The following LRRC9 variants were observed in gnomAD, a reference collection of about 807,000 sequenced individuals.
LRRC9 encodes leucine rich repeat containing 9.
A neutral mutation model predicts 63.2 loss-of-function variants in LRRC9; 122 were observed. The ratio of observed to expected loss-of-function variants is 1.93; its 90% CI spans 1.67 to 2.24. LRRC9 has a LOEUF of 2.24. Ranked by LOEUF, LRRC9 falls within the 30% of genes most tolerant of loss-of-function variation. The probability of loss-of-function intolerance (pLI) is 0.00; values close to 1 mark genes in which losing one functional copy is unlikely to be tolerated. For missense variants in LRRC9, 1,071 were observed against 627.7 expected (o/e 1.71, Z -7.55); for synonymous variants, 366 against 213.1 (o/e 1.72, Z -6.25).
intron 12 of LRRC9, among the ~76,000 whole-genome samples, chr14:59,971,346 TTTGAAG>T (rs1885477118): frequency 6.6e-6 from 1 of 152,126 alleles, no homozygotes; most frequent in East Asian, 1.9e-4. Flanking sequence ...TGTAGTGTAG[TTTGAAG>T]TTGGATAGTT....
chr14:59,952,565 T>C (rs1883279931), intron 8 of LRRC9, among the ~76,000 whole-genome samples: 1 of 152,152 alleles, frequency 6.6e-6, no homozygotes, highest in Admixed American at 6.5e-5. Context: ...TATAGAGGAG[T>C]ACAGATAACT....
At chr14:59,939,120 T>C (rs1881479095) in intron 7 of LRRC9, among the ~76,000 whole-genome samples, 1 of 149,292 alleles carries the variant, frequency 6.7e-6, no homozygotes, top group Non-Finnish European at 1.5e-5. Flanking sequence ...TATATACATA[T>C]ATATAAATTA....
intron 30 of LRRC9, among the ~76,000 whole-genome samples, chr14:60,055,496 C>G (rs1894202474): frequency 6.6e-6 from 1 of 152,094 alleles, no homozygotes; most frequent in African/African-American, 2.4e-5. Flanking sequence ...CATATTGCTG[C>G]TATAACAAAT....
At chr14:60,001,998 G>A (rs1566865419) in exon 20 of LRRC9, 2 of 698,914 alleles carry the variant, frequency 2.9e-6, no homozygotes, top group South Asian at 1.5e-5. Context: ...GTACTAAAGA[G>A]GAGAGACCAC....
At chr14:60,037,696 T>A (rs979193805) in intron 29 of LRRC9, among the ~76,000 whole-genome samples, 11 of 152,306 alleles carry the variant, frequency 7.2e-5, no homozygotes, top group African/African-American at 2.6e-4. Context: ...ATTGTAAAAA[T>A]TTCCTCCCAT....
chr14:60,007,743 T>C (rs1287049548), intron 22 of LRRC9, among the ~76,000 whole-genome samples: 1 of 152,036 alleles, frequency 6.6e-6, no homozygotes, highest in East Asian at 1.9e-4. Flanking sequence ...CTGCACAAAA[T>C]ATACCTAAGT....
chr14:59,980,541 A>AAT (rs1325449828), intron 15 of LRRC9, among the ~76,000 whole-genome samples: 1 of 152,198 alleles, frequency 6.6e-6, no homozygotes, highest in Non-Finnish European at 1.5e-5. Flanking sequence ...ATCCTATTAA[A>AAT]ATATGATTGA....
At chr14:59,951,136 A>G (rs1460010398) in intron 8 of LRRC9, among the ~76,000 whole-genome samples, 1 of 56,488 alleles carries the variant, frequency 1.8e-5, no homozygotes, top group African/African-American at 9.7e-5. Flanking sequence ...CAGGTACACC[A>G]ATCAGACGTA....
At chr14:59,931,005 T>C in exon 4 of LRRC9, 1 of 442,574 alleles carries the variant, frequency 2.3e-6, no homozygotes, top group Non-Finnish European at 4.1e-6. Flanking sequence ...TTTAGAGAAA[T>C]TAATCAAATT....
chr14:60,050,034 T>A (rs1219457101), intron 29 of LRRC9, among the ~76,000 whole-genome samples: 1 of 152,128 alleles, frequency 6.6e-6, no homozygotes, highest in Non-Finnish European at 1.5e-5. Context: ...TCTCACTCTG[T>A]CACCTAGGCT....
Position 59,938,371 on chromosome 14 carries a change from A to G in LRRC9, c.544-19A>G, listed in dbSNP as rs765107665. Reference sequence around the variant, plus strand: ...TGACAGTCACAATTAACTGAACATTATCTTTGCTGGCATTTTAGGAACTCA... The same window carrying G: ...TGACAGTCACAATTAACTGAACATTGTCTTTGCTGGCATTTTAGGAACTCA... On this transcript the variant is annotated intron_variant, in intron 6 of 31. Coordinates refer to ENST00000445360, the Ensembl canonical transcript of LRRC9. The surrounding 1 kb of genome is among the most constrained non-coding windows in gnomAD (Gnocchi z 4.2). 61 of 670,752 alleles carry G rather than the reference A, an allele frequency of 9.1e-5. No individual in the cohort carries two copies. The highest frequency in any genetic ancestry group is 1.5e-4 in the Non-Finnish European group (57 of 370,462). 41.6% of individuals were successfully genotyped at this position (670,752 alleles called of 1,614,324 possible).
Position 59,942,766 on chromosome 14 carries a change from ATCTC to A in LRRC9, c.727-1813_727-1810del, listed in dbSNP as rs200043634. 1.3e-5 allele frequency among the ~76,000 whole-genome samples: 2 copies of A among 150,714 alleles called. No homozygotes were observed. Among genetic ancestry groups the A allele is most frequent in the African/African-American group, 2.4e-5 (1 of 40,920 alleles). ...CCCTTTGCTCTGCATCCTCGCCAGC[ATCTC>A]TCTCTCTCTTTTTTTTTTCTGTCTT... On this transcript the variant is annotated intron_variant, in intron 7 of 31. Coordinates refer to ENST00000445360, the Ensembl canonical transcript of LRRC9. This position sits in a 1 kb window ranked among gnomAD's most constrained non-coding sequence, Gnocchi z 5.3.
chr14:59,999,314 T>C (rs941567777), intron 19 of LRRC9, 88 bp downstream of exon 19: 1 of 582,220 alleles, frequency 1.7e-6, no homozygotes, highest in South Asian at 2.3e-5. Flanking sequence ...TAAGATTTTA[T>C]AGTCCCTCTT....
rs1052855352 is a variant in LRRC9 at position 60,027,844 on chromosome 14, T to A, written c.3704-40T>A. 3.2e-6 allele frequency: 2 copies of A among 624,990 alleles called. No individual in the cohort carries two copies. The highest frequency in any genetic ancestry group is 5.8e-6 in the Non-Finnish European group (2 of 347,710). The allele number at this position is 624,990 out of a possible 1,614,324, so 38.7% of individuals were successfully genotyped here. On this transcript the variant is annotated intron_variant, in intron 27 of 31. Transcript: ENST00000445360. The surrounding 1 kb of genome is among the most constrained non-coding windows in gnomAD (Gnocchi z 4.0). ...AGTAGATATCCTTTACTTCAGGAAG[T>A]TTGGGCTCACTTGATATATCATGAC...
At chr14:59,952,169 C>A (rs1566807090) in intron 8 of LRRC9, among the ~76,000 whole-genome samples, 2 of 151,712 alleles carry the variant, frequency 1.3e-5, no homozygotes, top group African/African-American at 4.8e-5. Context: ...GGGCGTAGGA[C>A]CCTCCGAGCC....
Position 60,042,748 on chromosome 14 carries a change from C to T in LRRC9, c.3991-10317C>T, listed in dbSNP as rs1255090481. Among the ~76,000 whole-genome samples, 1 of 152,122 alleles carries T rather than the reference C, an allele frequency of 6.6e-6. No individual in the cohort carries two copies. The highest frequency in any genetic ancestry group is 1.5e-5 in the Non-Finnish European group (1 of 68,024). On this transcript the variant is annotated intron_variant, in intron 29 of 31. Coordinates refer to ENST00000445360, the Ensembl canonical transcript of LRRC9. The surrounding 1 kb of genome is among the most constrained non-coding windows in gnomAD (Gnocchi z 4.2). ...TTTGGCTCATGCTCCGTGGGCTGCA[C>T]CTATTGTCCGACAAGCCCCAGTGAG... is the stretch of plus-strand genomic sequence containing the variant.
rs1396293463 is a variant in LRRC9, at chr14:59,932,993, A to G, written c.543+954A>G. Among the ~76,000 whole-genome samples the G allele has an allele frequency of 1.3e-5, 2 of 152,116 alleles. No individual in the cohort carries two copies. Among genetic ancestry groups the G allele is most frequent in the East Asian group, 3.9e-4 (2 of 5,194 alleles). On this transcript the variant is annotated intron_variant, in intron 6 of 31. Transcript: ENST00000445360. The surrounding 1 kb of genome is among the most constrained non-coding windows in gnomAD (Gnocchi z 4.7). ...ACCACCCCTACCTATCTCTTTGACT[A>G]CAGTTTCTACCACTCTCTCCTTTGT...
intron 13 of LRRC9, among the ~76,000 whole-genome samples, chr14:59,975,088 T>C (rs1292730150): frequency 2.3e-5 from 1 of 44,026 alleles, no homozygotes; most frequent in Admixed American, 3.8e-4. Flanking sequence ...GTGTGTGTAG[T>C]GTATATATAT....
At chr14:59,965,920 A>AAAAAAAAAAAATG (rs1274886982) in intron 10 of LRRC9, among the ~76,000 whole-genome samples, 2 of 136,384 alleles carry the variant, frequency 1.5e-5, no homozygotes, top group Non-Finnish European at 3.1e-5. Flanking sequence ...AAAAAAAAAA[A>AAAAAAAAAAAATG]GATACTGGTG....
Sources: gnomAD v4.1 joint callset for allele counts (sites outside exome capture counted in the v4.1 genomes callset) on GRCh38, gnomAD v4.1.1 for gene constraint, Gnocchi (gnomAD v3.1) non-coding constraint, MANE v1.5 for transcripts, NCBI Gene and HGNC (gene_info 2026-07-23, HGNC 2026-07-21) for gene names.